POR: variants seen among roughly 807,000 people sequenced by gnomAD.
The protein encoded by POR is cytochrome p450 oxidoreductase, also known as NADPH--cytochrome P450 reductase.
A neutral mutation model predicts 84.0 loss-of-function variants in POR; 56 were observed. The ratio of observed to expected loss-of-function variants is 0.67; its 90% confidence interval spans 0.54 to 0.83. The LOEUF (loss-of-function observed/expected upper bound fraction) is 0.83, where lower values mean the gene tolerates loss of function less well. Ranked by LOEUF, POR falls within the 40% of genes least tolerant of loss-of-function variation. POR has a pLI of 0.00. For synonymous variants in POR, 414 were observed against 400.5 expected (o/e 1.03, Z -0.40); for missense variants, 938 against 944.3 (o/e 0.99, Z 0.09).
Position 75,985,714 on chromosome 7 carries a change from G to T in POR, c.1534G>T (p.Val512Leu). ...CGGGGAGAACGGCGGCCGTGCGCTG[G>T]TGCCCATGTTCGTGCGCAAGTCCCA... is the stretch of plus-strand genomic sequence containing the variant. The change falls in exon 13 of 16, where the codon GTG becomes TTG. Residue 512 changes from valine (V) to leucine (L), a missense_variant. Coordinates refer to ENST00000461988, the MANE Select transcript of POR (RefSeq NM_000941.3). 6.3e-7 allele frequency: 1 copy of T among 1,588,276 alleles called. No individual in the cohort carries two copies. The highest frequency in any genetic ancestry group is 8.6e-7 in the Non-Finnish European group (1 of 1,169,174).
Position 75,983,856 on chromosome 7 carries a change from G to T in POR, c.1066G>T (p.Glu356Ter). The stretch of plus-strand genomic sequence containing the variant: ...CGTCATGTCCCTGAACAACCTGGAT[G>T]GTGAGTGCCACAGTCAGGGCGCCCT... Residue 356 changes from glutamate to a stop codon, truncating the protein, a stop_gained and splice_region_variant, in exon 10 of 16, where the codon GAG becomes TAG. Coordinates refer to ENST00000461988, the MANE Select transcript of POR (RefSeq NM_000941.3). LOFTEE classifies it high-confidence loss of function. The T allele has an allele frequency of 6.2e-7, 1 of 1,602,450 alleles. No homozygotes were observed. The highest frequency in any genetic ancestry group is 1.1e-5 in the South Asian group (1 of 89,686).
intron 3 of POR, among the ~76,000 whole-genome samples, chr7:75,973,340 G>T (rs1788524023): frequency 6.6e-6 from 1 of 151,562 alleles, no homozygotes; most frequent in African/African-American, 2.4e-5. Context: ...TAGAGACAGG[G>T]TCTCACTGTG....
At position 75,986,482 on chromosome 7, in the gene POR, G is replaced by A. The variant is rs1554559527; in HGVS notation, c.*1G>A. ...CTACTCCCTGGACGTGTGGAGCTAG[G>A]GGCCTGCCTGCCCCACCCACCCCAC... On this transcript the variant is annotated 3_prime_UTR_variant, in exon 16 of 16. Coordinates refer to ENST00000461988, the MANE Select transcript of POR (RefSeq NM_000941.3). 1 of 1,607,404 alleles carries A rather than the reference G, an allele frequency of 6.2e-7. No homozygotes were observed. The highest frequency in any genetic ancestry group is 8.5e-7 in the Non-Finnish European group (1 of 1,179,324).
At chr7:75,979,698 C>A in intron 4 of POR, 119 bp downstream of exon 4, 1 of 1,413,158 alleles carries the variant, frequency 7.1e-7, no homozygotes, top group Non-Finnish European at 9.6e-7. Context: ...GGAAGACGTC[C>A]TCGGAAGTTG....
At chr7:75,972,674 T>A in intron 3 of POR, 1 of 637,644 alleles carries the variant, frequency 1.6e-6, no homozygotes, top group Non-Finnish European at 2.8e-6. Flanking sequence ...CTTGAATCTT[T>A]ACTTTTTGAA....
At chr7:75,916,679 T>G (rs782345067) in intron 1 of POR, among the ~76,000 whole-genome samples, 23 of 152,158 alleles carry the variant, frequency 1.5e-4, no homozygotes, top group Non-Finnish European at 2.8e-4. Flanking sequence ...TGTGGAAACT[T>G]AGGAGTGATC....
chr7:75,982,868 T>C (rs980380145), intron 8 of POR, among the ~76,000 whole-genome samples: 5 of 152,150 alleles, frequency 3.3e-5, no homozygotes, highest in African/African-American at 1.2e-4. Flanking sequence ...TTGTCCACGG[T>C]GTAGTCCAGG....
intron 10 of POR, among the ~76,000 whole-genome samples, chr7:75,984,192 G>A (rs1003921822): frequency 1.4e-4 from 22 of 152,286 alleles, no homozygotes; most frequent in African/African-American, 4.8e-4. Flanking sequence ...CACCTCTGCC[G>A]GCCTGGGGCT....
chr7:75,919,051 T>C (rs1246229328), intron 1 of POR, among the ~76,000 whole-genome samples: 1 of 149,972 alleles, frequency 6.7e-6, no homozygotes, highest in Non-Finnish European at 1.5e-5. Context: ...CAGGCTGGAG[T>C]GCAGTGGTGT....
chr7:75,952,655 G>T (rs1174800398), intron 1 of POR, among the ~76,000 whole-genome samples: 1 of 151,418 alleles, frequency 6.6e-6, no homozygotes, highest in African/African-American at 2.4e-5. Context: ...GGTCGCGGCC[G>T]GGCAGAGGCG....
intron 8 of POR, among the ~76,000 whole-genome samples, chr7:75,982,955 C>T (rs569076162): frequency 6.6e-6 from 1 of 152,320 alleles, no homozygotes; most frequent in African/African-American, 2.4e-5. Flanking sequence ...TCAGCTTGGG[C>T]CTCACAGTTC....
At position 75,981,599 on chromosome 7, in the gene POR, G is replaced by A; in HGVS notation, c.724G>A (p.Glu242Lys). The change falls in exon 7 of 16, where the codon GAG (glutamate) becomes AAG (lysine). Residue 242 changes from glutamate (E) to lysine (K), a missense_variant. Physicochemically the swap from Glu to Lys is moderately conservative, Grantham distance 56. Coordinates refer to ENST00000461988, the MANE Select transcript of POR (RefSeq NM_000941.3). ...CTTTGGGGTGGAAGCCACTGGCGAG[G>A]AGTCCAGGTGAGCAAGTGCCCGCAG... 1 of 1,612,658 alleles carries A rather than the reference G, an allele frequency of 6.2e-7. No individual in the cohort carries two copies. The highest frequency in any genetic ancestry group is 8.5e-7 in the Non-Finnish European group (1 of 1,179,502).
chr7:75,974,506 C>A (rs1390183555), intron 3 of POR, among the ~76,000 whole-genome samples: 1 of 135,882 alleles, frequency 7.4e-6, no homozygotes, highest in East Asian at 2.2e-4. Flanking sequence ...GGCTTCGTTT[C>A]TTTTTCTTTT....
intron 3 of POR, among the ~76,000 whole-genome samples, chr7:75,972,942 C>T (rs1788506061): frequency 6.6e-6 from 1 of 152,144 alleles, no homozygotes; most frequent in Non-Finnish European, 1.5e-5. Context: ...CGTGCCTCAG[C>T]CTCCCGAGTA....
intron 2 of POR, chr7:75,970,871 C>A (rs542209619): frequency 9.3e-5 from 14 of 150,716 alleles, no homozygotes; most frequent in Admixed American, 3.3e-4. Context: ...GTCTTTTGCC[C>A]ACATATAAGT....
chr7:75,983,879 C>A, intron 10 of POR, 23 bp downstream of exon 10: 1 of 1,565,616 alleles, frequency 6.4e-7, no homozygotes, highest in East Asian at 2.3e-5. Flanking sequence ...GTCAGGGCGC[C>A]CTGCCGGGCT....
At position 75,983,822 on chromosome 7, in the gene POR, C is replaced by G. The variant is rs782658941; in HGVS notation, c.1032C>G (p.Asp344Glu). 1 of 1,611,584 alleles carries G rather than the reference C, an allele frequency of 6.2e-7. No homozygotes were observed. The highest frequency in any genetic ancestry group is 1.1e-5 in the South Asian group (1 of 90,904). The change falls in exon 10 of 16, where the codon GAC becomes GAG. Residue 344 changes from aspartate to glutamate, a missense_variant. Coordinates refer to ENST00000461988, the MANE Select transcript of POR (RefSeq NM_000941.3). ...AGCTGGGCAAAATCCTGGGTGCCGA[C>G]CTGGACGTCGTCATGTCCCTGAACA...
At chr7:75,932,943 G>A (rs1389179686) in intron 1 of POR, among the ~76,000 whole-genome samples, 1 of 151,644 alleles carries the variant, frequency 6.6e-6, no homozygotes, top group Non-Finnish European at 1.5e-5. Context: ...CCTTGAACTC[G>A]GGAGGTGGAG....
In POR at chr7:75,981,587, G is replaced by A; in HGVS notation, c.712G>A (p.Ala238Thr). Residue 238 changes from alanine to threonine, a missense_variant, in exon 7 of 16, where the codon GCC becomes ACC. Ala to Thr is a moderately conservative substitution (Grantham distance 58). Coordinates refer to ENST00000461988, the MANE Select transcript of POR (RefSeq NM_000941.3). The stretch of plus-strand genomic sequence containing the variant: ...CGTGTGTGAACACTTTGGGGTGGAA[G>A]CCACTGGCGAGGAGTCCAGGTGAGC... 1 of 1,613,092 alleles carries A rather than the reference G, an allele frequency of 6.2e-7. No homozygotes were observed. The highest frequency in any genetic ancestry group is 8.5e-7 in the Non-Finnish European group (1 of 1,179,672).
Sources: allele counts gnomAD v4.1 joint callset (sites outside exome capture counted in the v4.1 genomes callset), GRCh38; gene constraint gnomAD v4.1.1; transcripts MANE v1.5; gene names NCBI Gene and HGNC (gene_info 2026-07-23, HGNC 2026-07-21).